Variants in SERGEF observed in about 807,000 individuals in gnomAD.
The protein encoded by SERGEF is secretion regulating guanine nucleotide exchange factor.
SERGEF carries 51 observed loss-of-function variants against 50.0 expected under a neutral mutation model. The observed-to-expected ratio is 1.02, with a 90% CI of 0.81 to 1.29. The LOEUF (loss-of-function observed/expected upper bound fraction) is 1.29, where lower values mean the gene tolerates loss of function less well. Among genes scored for constraint, SERGEF ranks in the 50% most tolerant of loss-of-function variants. The pLI is 0.00. For synonymous variants in SERGEF, 205 were observed against 212.4 expected (o/e 0.97, Z 0.30); for missense variants, 521 against 557.0 (o/e 0.94, Z 0.65).
chr11:17,939,293 A>G (rs1365208516), intron 9 of SERGEF, among the ~76,000 whole-genome samples: 2 of 152,242 alleles, frequency 1.3e-5, no homozygotes, highest in Non-Finnish European at 2.9e-5. Flanking sequence ...TCCTGGAAAC[A>G]TAAGTTATTT....
chr11:17,940,466 T>A (rs779999137), intron 9 of SERGEF, among the ~76,000 whole-genome samples: 2 of 152,162 alleles, frequency 1.3e-5, no homozygotes, highest in Non-Finnish European at 2.9e-5. Context: ...TTATTACTAA[T>A]GGCAGAAATA....
chr11:17,838,609 A>G (rs1379107368), intron 10 of SERGEF, among the ~76,000 whole-genome samples: 2 of 152,142 alleles, frequency 1.3e-5, no homozygotes, highest in African/African-American at 2.4e-5. Flanking sequence ...TATTTTATAG[A>G]GAAACTGGGG....
At chr11:18,009,542 C>G (rs1854154418) in intron 1 of SERGEF, among the ~76,000 whole-genome samples, 1 of 152,182 alleles carries the variant, frequency 6.6e-6, no homozygotes, top group East Asian at 1.9e-4. Flanking sequence ...ACTCTGGAAT[C>G]AAAGCTGGCT....
intron 9 of SERGEF, among the ~76,000 whole-genome samples, chr11:17,898,949 C>T: frequency 6.6e-6 from 1 of 152,146 alleles, no homozygotes; most frequent in Non-Finnish European, 1.5e-5. Flanking sequence ...GTGCTATTCT[C>T]ATGATAGTGA....
chr11:17,875,057 T>C (rs1316184264), intron 10 of SERGEF, among the ~76,000 whole-genome samples: 1 of 152,136 alleles, frequency 6.6e-6, no homozygotes, highest in Non-Finnish European at 1.5e-5. Flanking sequence ...GATCAAGACA[T>C]AGAGAAGGTA....
rs550622857 is a variant in SERGEF at position 17,889,339 on chromosome 11, T to C, written c.1012-11095A>G. Reference sequence around the variant, plus strand: ...AAATGTAGGTTAGAATCACTAATAATGTGCCAAACTGACATCAGGTGCCTC... The same window carrying C: ...AAATGTAGGTTAGAATCACTAATAACGTGCCAAACTGACATCAGGTGCCTC... On this transcript the variant is annotated intron_variant, in intron 9 of 10. Coordinates refer to ENST00000265965, the MANE Select transcript of SERGEF (RefSeq NM_012139.4). Among the ~76,000 whole-genome samples, 5 of 152,320 alleles carry C rather than the reference T, an allele frequency of 3.3e-5. No homozygotes were observed. The South Asian group carries it at 1.0e-3, about 32-fold the overall frequency.
At chr11:17,932,241 G>A (rs991814890) in intron 9 of SERGEF, among the ~76,000 whole-genome samples, 2 of 152,136 alleles carry the variant, frequency 1.3e-5, no homozygotes, top group Non-Finnish European at 2.9e-5. Context: ...AAACCTCTGC[G>A]GCCTAAGGCC....
chr11:17,872,246 A>G (rs2133893023), intron 10 of SERGEF, among the ~76,000 whole-genome samples: 1 of 151,620 alleles, frequency 6.6e-6, no homozygotes, highest in South Asian at 2.1e-4. Flanking sequence ...AGCATGAACT[A>G]GTCTTCCAGG....
At chr11:17,877,931 C>T (rs1454545413) in intron 10 of SERGEF, 3 of 336,004 alleles carry the variant, frequency 8.9e-6, no homozygotes, top group Non-Finnish European at 1.6e-5. Context: ...ACATGGTGCC[C>T]CTCAGCCTGT....
Position 17,991,482 on chromosome 11 carries a change from A to C in SERGEF, c.685+1449T>G, listed in dbSNP as rs1348791695. On this transcript the variant is annotated intron_variant, in intron 7 of 10. Transcript: ENST00000265965. The surrounding 1 kb of genome is among the most constrained non-coding windows in gnomAD (Gnocchi z 4.9). ...AGAATGCCTTCTCCATCCCTCATTG[A>C]CTGTGGGGCACGAACACATCACTTC... Among the ~76,000 whole-genome samples, 1 of 152,180 alleles carries C rather than the reference A, an allele frequency of 6.6e-6. No individual in the cohort carries two copies. The highest frequency in any genetic ancestry group is 2.4e-5 in the African/African-American group (1 of 41,436).
In SERGEF at chr11:17,805,452, G is replaced by A. The variant is rs147913190; in HGVS notation, c.1049-17039C>T. Among the ~76,000 whole-genome samples the A allele has an allele frequency of 3.5e-3, 531 of 152,316 alleles. 2 individuals carry two copies. Among genetic ancestry groups the A allele is most frequent in the Non-Finnish European group, 5.8e-3 (394 of 68,028 alleles). On this transcript the variant is annotated intron_variant, in intron 10 of 10. Transcript: ENST00000265965. ...GAGCTCACGGTGGCTCATGGATACA[G>A]TGCTCTTCTCCTCAGTCACTCATGT...
Position 17,988,664 on chromosome 11 carries a change from T to C in SERGEF, c.777A>G (p.Ala259=). Residue 259 remains alanine, a synonymous_variant, in exon 8 of 11, where the codon GCA becomes GCG. Transcript: ENST00000265965. ...AFLPVPQKIE[A]HCFQNEKVTA... ...TGACCTTTTCATTCTGGAAACAATG[T>C]GCTTCTATTTTCTGGGGCACAGGAA... 1 of 1,614,184 alleles carries C rather than the reference T, an allele frequency of 6.2e-7. No individual in the cohort carries two copies. Among genetic ancestry groups the C allele is most frequent in the Non-Finnish European group, 8.5e-7 (1 of 1,180,038 alleles).
intron 10 of SERGEF, among the ~76,000 whole-genome samples, chr11:17,837,556 G>A (rs898472878): frequency 6.6e-6 from 1 of 150,982 alleles, no homozygotes; most frequent in Non-Finnish European, 1.5e-5. Context: ...TTTGTCTTCT[G>A]TCATGAGTGG....
chr11:17,978,703 G>C (rs2133987500), intron 8 of SERGEF, among the ~76,000 whole-genome samples: 1 of 152,206 alleles, frequency 6.6e-6, no homozygotes, highest in Admixed American at 6.5e-5. Flanking sequence ...ATTAACTCAG[G>C]GTGTGTCCTT....
chr11:18,000,577 G>A lies in SERGEF; in HGVS notation c.448-20C>T. On this transcript the variant is annotated intron_variant, in intron 4 of 10. Coordinates refer to ENST00000265965, the MANE Select transcript of SERGEF (RefSeq NM_012139.4). ...ATGGAGCTGTCAAAATAAAGAAAAG[G>A]ATTTAGATCTCAGAACCATCCATCT... The A allele has an allele frequency of 6.4e-7, 1 of 1,551,450 alleles. No homozygotes were observed. The highest frequency in any genetic ancestry group is 8.7e-7 in the Non-Finnish European group (1 of 1,145,238).
At chr11:17,995,734 A>T in intron 6 of SERGEF, 62 bp downstream of exon 6, 1 of 1,130,892 alleles carries the variant, frequency 8.8e-7, no homozygotes, top group South Asian at 1.3e-5. Flanking sequence ...CCTCTTCTGC[A>T]TGTTTATGTC....
At chr11:17,833,299 T>G (rs887735180) in intron 10 of SERGEF, among the ~76,000 whole-genome samples, 1 of 152,134 alleles carries the variant, frequency 6.6e-6, no homozygotes, top group Non-Finnish European at 1.5e-5. Flanking sequence ...AGCTTCCACA[T>G]GGTGTTGAGC....
intron 9 of SERGEF, among the ~76,000 whole-genome samples, chr11:17,923,426 A>T (rs74901436): frequency 0.038 from 5,750 of 152,238 alleles, 351 homozygotes; most frequent in African/African-American, 0.13. Context: ...AAAATTTCCT[A>T]GGATGGAAAT....
chr11:17,962,919 C>T lies in SERGEF; in HGVS notation c.845-3283G>A, dbSNP rs111737689. ...AAAGGCGGCCAGGCACAGTGGCTCA[C>T]GCCTGTAATCCCAGCACTTTGGGAG... On this transcript the variant is annotated intron_variant, in intron 8 of 10. Transcript: ENST00000265965. 5.7e-3 allele frequency among the ~76,000 whole-genome samples: 866 copies of T among 152,202 alleles called. 7 individuals are homozygous for T. Among genetic ancestry groups the T allele is most frequent in the African/African-American group, 0.016 (658 of 41,542 alleles).
Sources: gnomAD v4.1 joint callset for allele counts (sites outside exome capture counted in the v4.1 genomes callset) on GRCh38, gnomAD v4.1.1 for gene constraint, Gnocchi (gnomAD v3.1) non-coding constraint, MANE v1.5 for transcripts, NCBI Gene and HGNC (gene_info 2026-07-23, HGNC 2026-07-21) for gene names.